The following PDE4B variants were observed in gnomAD, a reference collection of about 807,000 sequenced individuals.
PDE4B encodes the protein phosphodiesterase 4B.
PDE4B carries 20 observed loss-of-function variants against 82.2 expected under a neutral mutation model. The ratio of observed to expected loss-of-function variants is 0.24; its 90% CI spans 0.17 to 0.35. The LOEUF (loss-of-function observed/expected upper bound fraction) is 0.35. Ranked by LOEUF, PDE4B falls within the 10% of genes least tolerant of loss-of-function variation. The pLI, the probability that PDE4B is intolerant of heterozygous loss-of-function variation, is 1.00. For missense variants in PDE4B, 655 were observed against 907.2 expected (o/e 0.72, Z 3.57); for synonymous variants, 320 against 318.9 (o/e 1.00, Z -0.04).
intron 3 of PDE4B, among the ~76,000 whole-genome samples, chr1:65,976,260 C>A (rs568298257): frequency 1.1e-4 from 16 of 152,300 alleles, no homozygotes; most frequent in African/African-American, 3.9e-4. Flanking sequence ...TAATGACCAC[C>A]CTGCTGGATT....
At position 65,850,192 on chromosome 1, in the gene PDE4B, G is replaced by A. The variant is rs185063143; in HGVS notation, c.-71+56944G>A. Among the ~76,000 whole-genome samples, 99 of 149,018 alleles carry A rather than the reference G, an allele frequency of 6.6e-4. 1 individual carries two copies. The highest frequency in any genetic ancestry group is 3.5e-3 in the Middle Eastern group (1 of 282). ...TGCAACTGCAACCTCTGCCTCTCAG[G>A]TTCAAGTGATTCTCCTGCCTCAGCC... is the stretch of plus-strand genomic sequence containing the variant. On this transcript the variant is annotated intron_variant, in intron 1 of 16. Transcript: ENST00000341517.
rs181362108 is a variant in PDE4B, at chr1:65,853,674, C to T, written c.-70-59571C>T. On this transcript the variant is annotated intron_variant, in intron 1 of 16. Transcript: ENST00000341517. ...CCTCCTGAGTAGCTGGGACTACAGGCATGCACCACCACGCACAGCTAATTT... is the reference window on the plus strand; with the variant it reads ...CCTCCTGAGTAGCTGGGACTACAGGTATGCACCACCACGCACAGCTAATTT... Among the ~76,000 whole-genome samples the T allele has an allele frequency of 4.3e-3, 652 of 152,088 alleles. 5 individuals carry two copies. The highest frequency in any genetic ancestry group is 0.015 in the African/African-American group (623 of 41,510).
At chr1:66,013,153 T>C (rs1449120443) in intron 3 of PDE4B, among the ~76,000 whole-genome samples, 2 of 152,150 alleles carry the variant, frequency 1.3e-5, no homozygotes, top group East Asian at 1.9e-4. Flanking sequence ...TTGCACACTT[T>C]GTGTAACTCT....
intron 3 of PDE4B, among the ~76,000 whole-genome samples, chr1:65,971,708 A>G (rs1287369704): frequency 7.2e-5 from 11 of 152,154 alleles, no homozygotes; most frequent in Admixed American, 7.2e-4. Flanking sequence ...TTCAGAGAGG[A>G]TGGTGTTATC....
rs377586151 is a variant in PDE4B at position 66,319,078 on chromosome 1, C to T, written c.635-13430C>T. On this transcript the variant is annotated intron_variant, in intron 7 of 16. Transcript: ENST00000341517. ...AAGACTGTATATAACAGGTTTTCTGCTCTTTACAACACTTAGACTACAAAA... is the reference window on the plus strand; with the variant it reads ...AAGACTGTATATAACAGGTTTTCTGTTCTTTACAACACTTAGACTACAAAA... 4.6e-5 allele frequency among the ~76,000 whole-genome samples: 7 copies of T among 152,328 alleles called. No homozygotes were observed. In the East Asian group the frequency reaches 1.2e-3, roughly 25 times the overall value.
intron 3 of PDE4B, among the ~76,000 whole-genome samples, chr1:65,988,756 G>A (rs1651086535): frequency 6.6e-6 from 1 of 151,302 alleles, no homozygotes; most frequent in Non-Finnish European, 1.5e-5. Context: ...GTGCCATGTT[G>A]TGCTAGGTAT....
chr1:66,124,309 A>G (rs1645774819), intron 3 of PDE4B, among the ~76,000 whole-genome samples: 1 of 152,202 alleles, frequency 6.6e-6, no homozygotes, highest in African/African-American at 2.4e-5. Context: ...ATTGACAGTA[A>G]TACGAAACAG....
chr1:66,325,056 G>C (rs1313242233), intron 7 of PDE4B, among the ~76,000 whole-genome samples: 1 of 152,150 alleles, frequency 6.6e-6, no homozygotes, highest in Admixed American at 6.6e-5. Flanking sequence ...TTTGCATAAA[G>C]AGATGCCAAT....
chr1:66,281,625 A>G (rs890290313), intron 7 of PDE4B, among the ~76,000 whole-genome samples: 34 of 152,346 alleles, frequency 2.2e-4, no homozygotes, highest in African/African-American at 7.7e-4. Flanking sequence ...AATCAGTTTC[A>G]GTTCTACACT....
intron 3 of PDE4B, among the ~76,000 whole-genome samples, chr1:66,133,126 G>A (rs1645985890): frequency 1.3e-5 from 2 of 152,168 alleles, no homozygotes; most frequent in Admixed American, 1.3e-4. Flanking sequence ...AGGAGGAAGA[G>A]GAGGAAATTG....
chr1:66,005,382 G>A lies in PDE4B; in HGVS notation c.281+86547G>A, dbSNP rs145082136. ...TTGCCTTTATTCAGACAACTTTACAGCATTTAAATCAAATTGCTCTTTATT... is the reference window on the plus strand; with the variant it reads ...TTGCCTTTATTCAGACAACTTTACAACATTTAAATCAAATTGCTCTTTATT... On this transcript the variant is annotated intron_variant, in intron 3 of 16. Coordinates refer to ENST00000341517, the MANE Select transcript of PDE4B (RefSeq NM_002600.4). Among the ~76,000 whole-genome samples, 47 of 152,230 alleles carry A rather than the reference G, an allele frequency of 3.1e-4. 1 individual carries two copies. The highest frequency in any genetic ancestry group is 1.1e-3 in the African/African-American group (44 of 41,568).
At chr1:65,818,973 C>G (rs1645919194) in intron 1 of PDE4B, among the ~76,000 whole-genome samples, 1 of 152,134 alleles carries the variant, frequency 6.6e-6, no homozygotes, top group Admixed American at 6.5e-5. Context: ...GTTTGTTTCT[C>G]ACTCATACTG....
intron 3 of PDE4B, among the ~76,000 whole-genome samples, chr1:66,153,806 G>A (rs1646449742): frequency 1.3e-5 from 2 of 152,134 alleles, no homozygotes; most frequent in African/African-American, 2.4e-5. Flanking sequence ...CCAGACAGCA[G>A]GCTTGTAGTG....
intron 7 of PDE4B, chr1:66,266,934 C>G (rs1655091139): frequency 4.4e-6 from 1 of 229,856 alleles, no homozygotes; most frequent in Admixed American, 5.3e-5. Context: ...CCTAACGATG[C>G]CTCACATGCT....
chr1:66,352,009 G>T (rs933610397), intron 8 of PDE4B, among the ~76,000 whole-genome samples: 3 of 152,136 alleles, frequency 2.0e-5, no homozygotes, highest in African/African-American at 7.2e-5. Context: ...GGCCATGTCT[G>T]CCTTTCTTAG....
chr1:66,372,947 T>C lies in PDE4B; in HGVS notation c.*269T>C. On this transcript the variant is annotated 3_prime_UTR_variant, in exon 17 of 17. Coordinates refer to ENST00000341517, the MANE Select transcript of PDE4B (RefSeq NM_002600.4). Reference sequence around the variant, plus strand: ...CTGATCAAGACACATGGCTTGAAAATGGAAGACACAAAACTGAGAGATCAT... The same window carrying C: ...CTGATCAAGACACATGGCTTGAAAACGGAAGACACAAAACTGAGAGATCAT... The C allele has an allele frequency of 2.6e-6, 1 of 379,610 alleles. No individual in the cohort carries two copies. Among genetic ancestry groups the C allele is most frequent in the Non-Finnish European group, 4.8e-6 (1 of 207,698 alleles). 23.5% of individuals were successfully genotyped at this position (379,610 alleles called of 1,614,324 possible).
intron 1 of PDE4B, among the ~76,000 whole-genome samples, chr1:65,865,726 T>G (rs1320893411): frequency 6.6e-6 from 1 of 152,088 alleles, no homozygotes; most frequent in Non-Finnish European, 1.5e-5. Flanking sequence ...GCCTAAACAG[T>G]CCCAATGAGA....
intron 3 of PDE4B, among the ~76,000 whole-genome samples, chr1:66,154,255 CTG>C (rs1343066508): frequency 6.6e-6 from 1 of 152,166 alleles, no homozygotes; most frequent in African/African-American, 2.4e-5. Flanking sequence ...AAGGGGAAAA[CTG>C]TTTTTCATCT....
Position 65,798,238 on chromosome 1 carries a change from C to CTTTTTTT in PDE4B, c.-71+5015_-71+5021dup, listed in dbSNP as rs781315273. 8.8e-5 allele frequency among the ~76,000 whole-genome samples: 2 copies of CTTTTTTT among 22,666 alleles called. 1 individual carries two copies. Among genetic ancestry groups the CTTTTTTT allele is most frequent in the Non-Finnish European group, 1.3e-4 (2 of 15,168 alleles). 14.9% of individuals were successfully genotyped at this position (22,666 alleles called of 152,430 possible). On this transcript the variant is annotated intron_variant, in intron 1 of 16. Coordinates refer to ENST00000341517, the MANE Select transcript of PDE4B (RefSeq NM_002600.4). ...GTTTCACCATGTTGGCCAGGCTAGT[C>CTTTTTTT]TTTTTTTTTTTTTTTTTTTTTTTTT...
Sources: gnomAD v4.1 joint callset for allele counts (sites outside exome capture counted in the v4.1 genomes callset) on GRCh38, gnomAD v4.1.1 for gene constraint, MANE v1.5 for transcripts, NCBI Gene and HGNC (gene_info 2026-07-23, HGNC 2026-07-21) for gene names.